The following EIF3H variants were observed in gnomAD, a reference collection of about 807,000 sequenced individuals.
EIF3H encodes eIF-3-gamma.
Under a neutral mutation model 44.2 loss-of-function variants are expected in EIF3H, and 26 were observed. The ratio of observed to expected loss-of-function variants is 0.59; its 90% CI spans 0.43 to 0.82. The LOEUF (loss-of-function observed/expected upper bound fraction) is 0.82, where lower values mean the gene tolerates loss of function less well. EIF3H is among the 40% of genes least tolerant of loss of function. The pLI, the probability that EIF3H is intolerant of heterozygous loss-of-function variation, is 0.00. For synonymous variants in EIF3H, 166 were observed against 151.9 expected, an observed-to-expected ratio of 1.09 and a Z score of -0.68; for missense variants, 359 against 432.8, an observed-to-expected ratio of 0.83 and a Z score of 1.51.
chr8:116,679,162 G>A (rs1311931448), intron 2 of EIF3H, among the ~76,000 whole-genome samples: 9 of 74,486 alleles, frequency 1.2e-4, no homozygotes, highest in East Asian at 5.1e-4. Context: ...GTCCGGGAGG[G>A]AGGTGGTGGG....
At chr8:116,713,906 T>C (rs1026820585) in intron 2 of EIF3H, among the ~76,000 whole-genome samples, 1 of 152,110 alleles carries the variant, frequency 6.6e-6, no homozygotes, top group Non-Finnish European at 1.5e-5. Flanking sequence ...CCTGCATACA[T>C]AATGCTTCTA....
At chr8:116,672,133 G>C (rs1813768518) in intron 2 of EIF3H, among the ~76,000 whole-genome samples, 1 of 152,188 alleles carries the variant, frequency 6.6e-6, no homozygotes, top group Non-Finnish European at 1.5e-5. Context: ...CATTTTAAAA[G>C]AGTTAAAGCA....
intron 2 of EIF3H, among the ~76,000 whole-genome samples, chr8:116,678,018 C>T (rs1215251043): frequency 6.6e-6 from 1 of 152,154 alleles, no homozygotes; most frequent in African/African-American, 2.4e-5. Flanking sequence ...GGTCTCCTTC[C>T]ACGGTCTCCC....
In EIF3H at chr8:116,657,303, T is replaced by C. The variant is rs1813506994; in HGVS notation, c.469A>G (p.Thr157Ala). Reference protein sequence around the residue: ...SVVLIYDPIKTAQGSLSLKAY... With the variant: ...SVVLIYDPIKAAQGSLSLKAY... ...TTTAGTGAGAGAGATCCTTGGGCAG[T>C]TTTTATGGGATCTCAAACAAGGAAA... Residue 157 changes from threonine to alanine, a missense_variant, in exon 4 of 8, where the codon ACT (threonine) becomes GCT (alanine). Thr to Ala is a moderately conservative substitution (Grantham distance 58). Transcript: ENST00000521861. 3 of 1,612,464 alleles carry C rather than the reference T, an allele frequency of 1.9e-6. No individual in the cohort carries two copies. The East Asian group carries it at 6.7e-5, about 36-fold the overall frequency.
chr8:116,750,474 A>ATC (rs1473002723), intron 1 of EIF3H, among the ~76,000 whole-genome samples: 1 of 149,552 alleles, frequency 6.7e-6, no homozygotes, highest in African/African-American at 2.5e-5. Context: ...CAGTGGTGCA[A>ATC]TCTCGGCTCA....
chr8:116,657,166 C>T lies in EIF3H; in HGVS notation c.557+49G>A, dbSNP rs780360504. The stretch of plus-strand genomic sequence containing the variant: ...TTCAAGAGATGTGGCAAAGAAAAAT[C>T]TTAACAGAAAAATACCCAACCCTTT... On this transcript the variant is annotated intron_variant, in intron 4 of 7. Transcript: ENST00000521861. The T allele has an allele frequency of 2.0e-6, 3 of 1,501,466 alleles. No individual in the cohort carries two copies. The South Asian group carries it at 3.4e-5, about 17-fold the overall frequency. 93.0% of individuals were successfully genotyped at this position (1,501,466 alleles called of 1,614,324 possible).
At chr8:116,699,194 T>A (rs966085752) in intron 2 of EIF3H, among the ~76,000 whole-genome samples, 1 of 152,000 alleles carries the variant, frequency 6.6e-6, no homozygotes, top group Non-Finnish European at 1.5e-5. Flanking sequence ...TGTACATGCC[T>A]AAATCCACTG....
At chr8:116,741,774 G>C (rs1815137702) in intron 1 of EIF3H, among the ~76,000 whole-genome samples, 1 of 152,176 alleles carries the variant, frequency 6.6e-6, no homozygotes, top group African/African-American at 2.4e-5. Flanking sequence ...TGCAAAGTCA[G>C]TATCTAGACT....
At chr8:116,745,021 A>G (rs752242944) in intron 1 of EIF3H, among the ~76,000 whole-genome samples, 23 of 152,230 alleles carry the variant, frequency 1.5e-4, no homozygotes, top group Non-Finnish European at 2.1e-4. Context: ...GAAGTCCAAG[A>G]TATTGAACAA....
At chr8:116,652,196 A>G (rs1451087617) in intron 5 of EIF3H, among the ~76,000 whole-genome samples, 1 of 152,220 alleles carries the variant, frequency 6.6e-6, no homozygotes, top group African/African-American at 2.4e-5. Flanking sequence ...CTCAGGAAGA[A>G]GGCCTTATCA....
intron 1 of EIF3H, among the ~76,000 whole-genome samples, chr8:116,739,679 T>C (rs1427145917): frequency 6.6e-6 from 1 of 152,142 alleles, no homozygotes; most frequent in Admixed American, 6.5e-5. Flanking sequence ...TCAATAAATA[T>C]GTGGGTAAAT....
intron 1 of EIF3H, among the ~76,000 whole-genome samples, chr8:116,749,371 G>A (rs1460252059): frequency 1.3e-5 from 2 of 152,212 alleles, no homozygotes; most frequent in African/African-American, 2.4e-5. Context: ...TCACCTGATT[G>A]TGTAGGTCAG....
chr8:116,677,467 A>G (rs1813869183), intron 2 of EIF3H, among the ~76,000 whole-genome samples: 2 of 152,214 alleles, frequency 1.3e-5, no homozygotes, highest in African/African-American at 4.8e-5. Flanking sequence ...AATGTCCCCC[A>G]TGATTTAGCA....
At chr8:116,752,775 G>GGAAGGAAGGAA (rs1563663175) in intron 1 of EIF3H, among the ~76,000 whole-genome samples, 4 of 59,908 alleles carry the variant, frequency 6.7e-5, no homozygotes, top group Admixed American at 1.3e-4. Context: ...GAGGGAGGGA[G>GGAAGGAAGGAA]GGAGGGAGGG....
At chr8:116,678,893 G>A (rs1321319265) in intron 2 of EIF3H, among the ~76,000 whole-genome samples, 3 of 127,492 alleles carry the variant, frequency 2.4e-5, no homozygotes, top group East Asian at 2.2e-4. Flanking sequence ...CCGGCCAGCC[G>A]CCCCGTCCGG....
upstream of EIF3H, among the ~76,000 whole-genome samples, chr8:116,760,371 G>A (rs1202508117): frequency 6.6e-6 from 1 of 152,204 alleles, no homozygotes; most frequent in South Asian, 2.1e-4. Context: ...ATAAGACTAT[G>A]GGAGGTTATA....
intron 2 of EIF3H, among the ~76,000 whole-genome samples, chr8:116,672,794 A>G (rs1813778998): frequency 6.6e-6 from 1 of 152,108 alleles, no homozygotes; most frequent in Admixed American, 6.5e-5. Context: ...CCTCAAGATA[A>G]TCTGAAAAGG....
chr8:116,680,198 T>TGGCG (rs1554599272), intron 2 of EIF3H, among the ~76,000 whole-genome samples: 1 of 5,088 alleles, frequency 2.0e-4, no homozygotes, highest in Non-Finnish European at 6.7e-4. Context: ...TCCGGGAGGG[T>TGGCG]GGGGGGGGGG....
intron 1 of EIF3H, among the ~76,000 whole-genome samples, chr8:116,754,214 A>C (rs1278100488): frequency 6.6e-6 from 1 of 152,052 alleles, no homozygotes; most frequent in Non-Finnish European, 1.5e-5. Context: ...CCCAGGTTCA[A>C]GCGATTCTCC....
Sources: allele counts gnomAD v4.1 joint callset (sites outside exome capture counted in the v4.1 genomes callset), GRCh38; gene constraint gnomAD v4.1.1; transcripts MANE v1.5; gene names NCBI Gene and HGNC (gene_info 2026-07-23, HGNC 2026-07-21).